Variants in FRMPD4 observed in about 807,000 individuals in gnomAD.
FRMPD4 encodes FERM and PDZ domain-containing protein 4.
Under a neutral mutation model 94.1 loss-of-function variants are expected in FRMPD4, and 22 were observed. The ratio of observed to expected loss-of-function variants is 0.23; its 90% CI spans 0.17 to 0.33. FRMPD4 has a LOEUF of 0.33. Among genes scored for constraint, FRMPD4 ranks in the 10% least tolerant of loss-of-function variants. The pLI, the probability that FRMPD4 is intolerant of heterozygous loss-of-function variation, is 1.00. For missense variants in FRMPD4, 1,111 were observed against 1,339.9 expected (o/e 0.83, Z 2.67); for synonymous variants, 631 against 548.6 (o/e 1.15, Z -2.10).
At chrX:12,024,885 A>T (rs1346536074) in intron 3 of FRMPD4, among the ~76,000 whole-genome samples, 1 of 111,632 alleles carries the variant, frequency 9.0e-6, no homozygotes, top group African/African-American at 3.3e-5. Flanking sequence ...AATTGCTCAC[A>T]GTAGTCCATT....
At chrX:12,394,023 G>A (rs1212130188) in intron 1 of FRMPD4, among the ~76,000 whole-genome samples, 1 of 110,488 alleles carries the variant, frequency 9.1e-6, no homozygotes. Context: ...TAAACCATAT[G>A]GTGATATAAG....
chrX:12,345,385 T>A (rs2055690386), intron 1 of FRMPD4, among the ~76,000 whole-genome samples: 1 of 111,564 alleles, frequency 9.0e-6, no homozygotes, highest in African/African-American at 3.3e-5. Context: ...TTAGCATCAG[T>A]TTAAGAAGAC....
At chrX:12,355,630 A>G (rs1263625703) in intron 1 of FRMPD4, among the ~76,000 whole-genome samples, 1 of 112,300 alleles carries the variant, frequency 8.9e-6, no homozygotes, top group African/African-American at 3.2e-5. Context: ...TTCTTCCTCC[A>G]GAATGAGAGA....
At chrX:12,484,937 G>A (rs1474205535) in intron 1 of FRMPD4, among the ~76,000 whole-genome samples, 1 of 112,283 alleles carries the variant, frequency 8.9e-6, no homozygotes, top group Non-Finnish European at 1.9e-5. Context: ...CTTACTACTC[G>A]ATAGCAGGGG....
chrX:12,364,140 CCA>C (rs756868811), intron 1 of FRMPD4, among the ~76,000 whole-genome samples: 3,714 of 109,972 alleles, frequency 0.034, 160 homozygotes, highest in African/African-American at 0.12. Flanking sequence ...TACCCCACTG[CCA>C]CACACACACA....
chrX:12,153,019 C>T (rs909765086), intron 1 of FRMPD4, among the ~76,000 whole-genome samples: 4 of 107,432 alleles, frequency 3.7e-5, no homozygotes, highest in Admixed American at 9.9e-5. Context: ...CTGCAAGCTC[C>T]GCTTCCCGGG....
At chrX:12,555,305 C>T (rs2058584030) in intron 2 of FRMPD4, among the ~76,000 whole-genome samples, 1 of 111,510 alleles carries the variant, frequency 9.0e-6, no homozygotes, top group Non-Finnish European at 1.9e-5. Context: ...TATCTGTCCA[C>T]ACAGTCCAAA....
At chrX:12,583,448 G>A in intron 2 of FRMPD4, 2 of 1,201,745 alleles carry the variant, frequency 1.7e-6, no homozygotes, top group South Asian at 1.8e-5. Flanking sequence ...GTCTGGACCT[G>A]GAACACCTCT....
chrX:12,357,371 A>T (rs1269310960), intron 1 of FRMPD4, among the ~76,000 whole-genome samples: 1 of 112,191 alleles, frequency 8.9e-6, no homozygotes, highest in Non-Finnish European at 1.9e-5. Context: ...TTAGTGACTC[A>T]TTTAATCCTC....
At chrX:12,243,785 A>C (rs1323241470) in intron 1 of FRMPD4, among the ~76,000 whole-genome samples, 1 of 91,861 alleles carries the variant, frequency 1.1e-5, no homozygotes, top group South Asian at 5.6e-4. Flanking sequence ...TGTCCATCTA[A>C]AGGGCTTTTT....
At chrX:12,116,640 A>T (rs1036595211) in intron 3 of FRMPD4, among the ~76,000 whole-genome samples, 5 of 111,671 alleles carry the variant, frequency 4.5e-5, no homozygotes, top group African/African-American at 1.6e-4. Flanking sequence ...AATGCATGCT[A>T]TAGGGTGATG....
At chrX:12,159,023 G>A (rs1358202532) in intron 1 of FRMPD4, among the ~76,000 whole-genome samples, 1 of 112,246 alleles carries the variant, frequency 8.9e-6, no homozygotes, top group African/African-American at 3.2e-5. Context: ...TTAAGCTGGA[G>A]CAGGATACAA....
intron 1 of FRMPD4, among the ~76,000 whole-genome samples, chrX:12,463,681 G>GTGTGTTTTTTTT (rs1555969426): frequency 2.0e-5 from 1 of 51,046 alleles, no homozygotes; most frequent in African/African-American, 8.6e-5. Flanking sequence ...CTATGTGTGT[G>GTGTGTTTTTTTT]TTTTTTTTTT....
At chrX:12,465,667 G>T in intron 1 of FRMPD4, among the ~76,000 whole-genome samples, 1 of 111,902 alleles carries the variant, frequency 8.9e-6, no homozygotes, top group Non-Finnish European at 1.9e-5. Flanking sequence ...AAAGATCAGG[G>T]TTTTAATAAG....
chrX:12,427,938 C>T (rs1296431940), intron 1 of FRMPD4, among the ~76,000 whole-genome samples: 1 of 69,758 alleles, frequency 1.4e-5, no homozygotes, highest in Non-Finnish European at 2.4e-5. Context: ...GAGACGGAGT[C>T]TCACTGTGTC....
intron 1 of FRMPD4, among the ~76,000 whole-genome samples, chrX:12,207,780 A>G (rs2056710111): frequency 9.0e-6 from 1 of 110,541 alleles, no homozygotes; most frequent in Admixed American, 9.6e-5. Flanking sequence ...GAATCCTAAA[A>G]TCTACATACA....
At chrX:12,307,733 G>A (rs748020720) in intron 1 of FRMPD4, among the ~76,000 whole-genome samples, 8 of 111,782 alleles carry the variant, frequency 7.2e-5, no homozygotes, top group Non-Finnish European at 1.5e-4. Context: ...AAAAATAGGA[G>A]TAAAAATAAT....
At chrX:12,160,211 T>C (rs2056003108) in intron 1 of FRMPD4, among the ~76,000 whole-genome samples, 1 of 111,134 alleles carries the variant, frequency 9.0e-6, no homozygotes, top group Non-Finnish European at 1.9e-5. Context: ...AAACACAAAC[T>C]TTGCATCGTA....
At chrX:11,847,865 C>A (rs1224008120) in intron 1 of FRMPD4, among the ~76,000 whole-genome samples, 1 of 75,496 alleles carries the variant, frequency 1.3e-5, no homozygotes, top group Admixed American at 1.7e-4. Flanking sequence ...GGGAACATCA[C>A]ACTCTGGGGA....
Sources: gnomAD v4.1 joint callset for allele counts (sites outside exome capture counted in the v4.1 genomes callset) on GRCh38, gnomAD v4.1.1 for gene constraint, MANE v1.5 for transcripts, NCBI Gene and HGNC (gene_info 2026-07-23, HGNC 2026-07-21) for gene names.